The following CLTCL1 variants were observed in gnomAD, a reference collection of about 807,000 sequenced individuals.
The protein encoded by CLTCL1 is clathrin heavy chain 2.
In CLTCL1, 159 loss-of-function variants were observed where a neutral mutation model predicts 190.0. That is an observed-to-expected ratio of 0.84 (90% CI 0.74 to 0.95). The LOEUF is 0.95. Ranked by LOEUF, CLTCL1 falls within the 40% of genes least tolerant of loss-of-function variation. CLTCL1 has a pLI of 0.00. For missense variants in CLTCL1, 1,878 were observed against 2,033.4 expected (o/e 0.92, Z 1.47); for synonymous variants, 752 against 769.6 (o/e 0.98, Z 0.38).
chr22:19,258,545 G>A (rs2086841019), intron 2 of CLTCL1: 1 of 576,358 alleles, frequency 1.7e-6, no homozygotes. Context: ...GGGTCCTACT[G>A]TACCTGGAGT....
At chr22:19,186,177 T>C (rs2084308886) in intron 29 of CLTCL1, among the ~76,000 whole-genome samples, 1 of 152,136 alleles carries the variant, frequency 6.6e-6, no homozygotes, top group African/African-American at 2.4e-5. Context: ...CAAGTATCCA[T>C]GTGTCCTGTG....
intron 11 of CLTCL1, 136 bp downstream of exon 11, chr22:19,229,702 G>A (rs2085858326): frequency 1.3e-6 from 1 of 743,416 alleles, no homozygotes. Context: ...AAGTCATGGA[G>A]AATGTCCACT....
chr22:19,276,806 G>A (rs1452155107), intron 1 of CLTCL1, among the ~76,000 whole-genome samples: 5 of 151,958 alleles, frequency 3.3e-5, no homozygotes, highest in Admixed American at 1.3e-4. Flanking sequence ...AGTAGCTGGG[G>A]CTTCAGGCGC....
At chr22:19,273,956 T>C (rs1213314242) in intron 2 of CLTCL1, among the ~76,000 whole-genome samples, 3 of 152,062 alleles carry the variant, frequency 2.0e-5, no homozygotes, top group African/African-American at 7.2e-5. Flanking sequence ...CTGGAAGGGA[T>C]TGACAACATC....
chr22:19,196,967 G>A (rs1239215395), intron 24 of CLTCL1, among the ~76,000 whole-genome samples: 2 of 152,154 alleles, frequency 1.3e-5, no homozygotes, highest in African/African-American at 2.4e-5. Context: ...ACAGGGTCTG[G>A]GAATGATTTG....
chr22:19,214,798 A>G (rs1161504104), intron 19 of CLTCL1, among the ~76,000 whole-genome samples: 1 of 150,936 alleles, frequency 6.6e-6, no homozygotes, highest in African/African-American at 2.4e-5. Flanking sequence ...CTCCCGCCTC[A>G]GCCTCCCGAG....
chr22:19,208,073 A>G, intron 22 of CLTCL1, 81 bp downstream of exon 22: 1 of 1,562,666 alleles, frequency 6.4e-7, no homozygotes, highest in Non-Finnish European at 8.8e-7. Context: ...GTGCCAAAAC[A>G]GCTCGGGACT....
At chr22:19,230,892 G>A (rs1381485774) in intron 10 of CLTCL1, among the ~76,000 whole-genome samples, 3 of 152,058 alleles carry the variant, frequency 2.0e-5, no homozygotes, top group Non-Finnish European at 4.4e-5. Context: ...TCTCAATGTC[G>A]GGGAACACCA....
At chr22:19,240,347 C>G (rs546451173) in intron 4 of CLTCL1, among the ~76,000 whole-genome samples, 132 of 152,164 alleles carry the variant, frequency 8.7e-4, no homozygotes, top group African/African-American at 3.1e-3. Context: ...AGACACAAAA[C>G]AAGGGCGGGA....
At chr22:19,259,222 C>A (rs2086863209) in intron 2 of CLTCL1, among the ~76,000 whole-genome samples, 1 of 152,138 alleles carries the variant, frequency 6.6e-6, no homozygotes, top group African/African-American at 2.4e-5. Context: ...TCTCCTGCCT[C>A]AGCCTCTGTA....
At chr22:19,283,857 T>C (rs1555988537) in intron 1 of CLTCL1, among the ~76,000 whole-genome samples, 1 of 151,836 alleles carries the variant, frequency 6.6e-6, no homozygotes, top group African/African-American at 2.4e-5. Context: ...CTGAGCATGG[T>C]GGCACACGCC....
intron 21 of CLTCL1, 131 bp downstream of exon 21, chr22:19,208,791 A>C: frequency 1.3e-6 from 1 of 742,282 alleles, no homozygotes. Flanking sequence ...GGAAACTTTC[A>C]TGTAGATGTG....
intron 1 of CLTCL1, among the ~76,000 whole-genome samples, chr22:19,284,585 G>A (rs375354875): frequency 1.3e-5 from 2 of 152,198 alleles, no homozygotes; most frequent in East Asian, 1.9e-4. Context: ...ACTTGAACAC[G>A]GGAAGCGGAG....
chr22:19,267,851 C>T (rs140386076), intron 2 of CLTCL1, among the ~76,000 whole-genome samples: 83 of 151,594 alleles, frequency 5.5e-4, no homozygotes, highest in African/African-American at 1.7e-3. Context: ...GCCAAGATTG[C>T]GCCCCTGCAC....
intron 1 of CLTCL1, among the ~76,000 whole-genome samples, chr22:19,287,937 C>T (rs569378806): frequency 6.6e-6 from 1 of 152,254 alleles, no homozygotes; most frequent in East Asian, 1.9e-4. Context: ...CCTTCTTATC[C>T]GTGGTTTTTT....
Position 19,221,391 on chromosome 22 carries a change from G to T in CLTCL1, c.2782C>A (p.Leu928Ile). 1 of 1,552,296 alleles carries T rather than the reference G, an allele frequency of 6.4e-7. No individual in the cohort carries two copies. The highest frequency in any genetic ancestry group is 2.4e-5 in the East Asian group (1 of 41,032). The change falls in exon 17 of 33, where the codon CTT becomes ATT. Residue 928 changes from leucine (L) to isoleucine (I), a missense_variant. Transcript: ENST00000427926. ...CVAYERGQCDLELIKVCNENS... is the reference protein window; with the variant it reads ...CVAYERGQCDIELIKVCNENS... The stretch of plus-strand genomic sequence containing the variant: ...CTGCTACCCACCTTGATGAGCTCAA[G>T]GTCACACTGCCCCCGCTCATAGGCA...
chr22:19,284,062 T>C (rs1192205982), intron 1 of CLTCL1, among the ~76,000 whole-genome samples: 1 of 151,342 alleles, frequency 6.6e-6, no homozygotes, highest in Non-Finnish European at 1.5e-5. Flanking sequence ...GATAGTCCTG[T>C]GGTTTCTATG....
Position 19,242,485 on chromosome 22 carries a change from G to A in CLTCL1, c.681+290C>T, listed in dbSNP as rs539116499. On this transcript the variant is annotated intron_variant, in intron 4 of 32. Transcript: ENST00000427926. ...TAATGTTTGTATTTTTAGTAGAGAC[G>A]GGGTTTCACCACGTTGGCCAGGCTG... Among the ~76,000 whole-genome samples the A allele has an allele frequency of 4.6e-5, 7 of 152,140 alleles. No individual in the cohort carries two copies. The South Asian group carries it at 8.3e-4, about 18-fold the overall frequency.
chr22:19,221,044 A>G (rs1172356212), intron 17 of CLTCL1, among the ~76,000 whole-genome samples: 1 of 152,144 alleles, frequency 6.6e-6, no homozygotes, highest in South Asian at 2.1e-4. Flanking sequence ...TGGATGGCTG[A>G]TCAAGTTCGG....
Sources: gnomAD v4.1 joint callset for allele counts (sites outside exome capture counted in the v4.1 genomes callset) on GRCh38, gnomAD v4.1.1 for gene constraint, MANE v1.5 for transcripts, NCBI Gene and HGNC (gene_info 2026-07-23, HGNC 2026-07-21) for gene names.